MEGF6: variants seen among roughly 807,000 people sequenced by gnomAD.
The protein encoded by MEGF6 is multiple epidermal growth factor-like domains protein 6.
In MEGF6, 184 loss-of-function variants were observed where a neutral mutation model predicts 207.1. That is an observed-to-expected ratio of 0.89 (90% CI 0.79 to 1.00). The LOEUF (loss-of-function observed/expected upper bound fraction) is 1.00. MEGF6 is among the 50% of genes least tolerant of loss of function. The pLI, the probability that MEGF6 is intolerant of heterozygous loss-of-function variation, is 0.00. For synonymous variants in MEGF6, 1,038 were observed against 910.0 expected, an observed-to-expected ratio of 1.14 and a Z score of -2.53; for missense variants, 2,282 against 2,202.9, an observed-to-expected ratio of 1.04 and a Z score of -0.72.
At chr1:3,505,579 G>T in intron 15 of MEGF6, 23 bp from the exon 16 acceptor site, 1 of 1,539,198 alleles carries the variant, frequency 6.5e-7, no homozygotes, top group Admixed American at 2.0e-5. Flanking sequence ...AACCGTTGAG[G>T]GGGGCTCCCG....
At chr1:3,518,800 C>T (rs538967948) in intron 5 of MEGF6, among the ~76,000 whole-genome samples, 1 of 152,236 alleles carries the variant, frequency 6.6e-6, no homozygotes, top group East Asian at 1.9e-4. Flanking sequence ...GCCCTGCCTT[C>T]TAGGAAGCCC....
chr1:3,500,885 C>A (rs957135624), intron 20 of MEGF6, 81 bp downstream of exon 20: 1 of 1,601,906 alleles, frequency 6.2e-7, no homozygotes, highest in Non-Finnish European at 8.5e-7. Context: ...CCCTAGTCCT[C>A]GGGGGCCCTG....
At chr1:3,519,482 G>A (rs1042960590) in intron 5 of MEGF6, among the ~76,000 whole-genome samples, 6 of 152,252 alleles carry the variant, frequency 3.9e-5, no homozygotes, top group Admixed American at 2.6e-4. Context: ...GCGCCTACTC[G>A]CTGCTGAGCG....
At chr1:3,566,626 C>T (rs545201087) in intron 4 of MEGF6, among the ~76,000 whole-genome samples, 12 of 152,302 alleles carry the variant, frequency 7.9e-5, no homozygotes, top group Non-Finnish European at 1.6e-4. Context: ...AGAGGGACCC[C>T]GGGGCCCTTC....
In MEGF6 at chr1:3,495,881, A is replaced by C. The variant is rs1317119836; in HGVS notation, c.3871+9T>G. The C allele has an allele frequency of 1.9e-6, 3 of 1,598,038 alleles. No individual in the cohort carries two copies. Among genetic ancestry groups the C allele is most frequent in the Non-Finnish European group, 2.5e-6 (3 of 1,179,184 alleles). On this transcript the variant is annotated intron_variant, in intron 30 of 36. Transcript: ENST00000356575. ...GCCTGTGAGCATGCCCTCTGGAGTG[A>C]ACACTCACCTCGCTCACAGCGGACG... is the stretch of plus-strand genomic sequence containing the variant.
chr1:3,550,331 C>T (rs72853563), intron 4 of MEGF6, among the ~76,000 whole-genome samples: 4,580 of 152,266 alleles, frequency 0.03, 98 homozygotes, highest in South Asian at 0.056. Context: ...CGAGGAGGAA[C>T]CTCAAACCTC....
Position 3,494,065 on chromosome 1 carries a change from C to A in MEGF6, c.4189G>T (p.Ala1397Ser). Residue 1397 changes from alanine to serine, a missense_variant, in exon 33 of 37, where the codon GCC (alanine) becomes TCC (serine). By Grantham distance (99) the Ala-to-Ser change is moderately conservative. Transcript: ENST00000356575. The stretch of plus-strand genomic sequence containing the variant: ...CGGCCACTGATGGGGTCGCAGGGGG[C>A]TCCATGTTGACACCAGCACAACCCC... ...CQGLCWCQHG[A>S]PCDPISGRCL... 6.2e-7 allele frequency: 1 copy of A among 1,605,124 alleles called. No individual in the cohort carries two copies. Among genetic ancestry groups the A allele is most frequent in the Non-Finnish European group, 8.5e-7 (1 of 1,175,850 alleles).
chr1:3,539,213 C>T (rs1642425957), intron 4 of MEGF6, among the ~76,000 whole-genome samples: 1 of 152,076 alleles, frequency 6.6e-6, no homozygotes, highest in Non-Finnish European at 1.5e-5. Context: ...TGCAGTGTCA[C>T]TACAGACCCA....
chr1:3,534,795 C>T (rs1052850694), intron 4 of MEGF6, among the ~76,000 whole-genome samples: 3 of 152,254 alleles, frequency 2.0e-5, no homozygotes, highest in East Asian at 3.9e-4. Context: ...GGGACCGGAG[C>T]CCTGGCCCTC....
Position 3,611,145 on chromosome 1 carries a change from G to C in MEGF6, c.124C>G (p.Pro42Ala), listed in dbSNP as rs762248632. 4.5e-5 allele frequency: 68 copies of C among 1,519,184 alleles called. 1 individual carries two copies. The highest frequency in any genetic ancestry group is 3.4e-4 in the Admixed American group (17 of 49,360). The allele number at this position is 1,519,184 out of a possible 1,614,324, so 94.1% of individuals were successfully genotyped here. A position where few individuals can be genotyped will look rare whatever the true frequency, so the allele number is the denominator to read the frequency against. ...VPPRPLLPLQ[P>A]GMPHVCAEQE... ...CCAGCTCCTGCTACTCACATGCCGG[G>C]CTGCAGCGGGAGCAGGGGCCGCGGC... Residue 42 changes from proline to alanine, a missense_variant, in exon 1 of 37, where the codon CCC becomes GCC. Pro to Ala is a conservative substitution (Grantham distance 27, BLOSUM62 -1). Transcript: ENST00000356575.
chr1:3,517,857 G>A (rs1351434679), intron 5 of MEGF6, among the ~76,000 whole-genome samples: 4 of 152,228 alleles, frequency 2.6e-5, no homozygotes, highest in Admixed American at 1.3e-4. Flanking sequence ...ATGCGGGCTC[G>A]ACAGCAAGCC....
intron 35 of MEGF6, 146 bp from the exon 36 acceptor site, chr1:3,491,105 G>C (rs887254659): frequency 4.5e-6 from 3 of 673,892 alleles, no homozygotes; most frequent in African/African-American, 4.0e-5. Flanking sequence ...CTTTGCACTC[G>C]GGGAAGGAAC....
chr1:3,497,511 C>T (rs1640662283), intron 26 of MEGF6, 150 bp from the exon 27 acceptor site: 5 of 1,087,108 alleles, frequency 4.6e-6, no homozygotes, highest in Non-Finnish European at 6.5e-6. Context: ...CCTGGAGCCC[C>T]CCGCCACCCC....
chr1:3,579,716 G>T (rs985353079), intron 4 of MEGF6, 109 bp downstream of exon 4: 12 of 667,556 alleles, frequency 1.8e-5, no homozygotes, highest in South Asian at 1.1e-4. Flanking sequence ...TTCACTCGGG[G>T]TGTCCCCTAC....
In MEGF6 at chr1:3,492,781, G is replaced by A; in HGVS notation, c.4388-14C>T. On this transcript the variant is annotated splice_polypyrimidine_tract_variant and intron_variant, in intron 34 of 36. Transcript: ENST00000356575. ...CCCTTCTGCAATCTGCAAGGCGGAG[G>A]GGGCGGGAGACAAACCTGAGCATCA... The A allele has an allele frequency of 6.2e-7, 1 of 1,603,598 alleles. No individual in the cohort carries two copies. The highest frequency in any genetic ancestry group is 8.5e-7 in the Non-Finnish European group (1 of 1,173,048).
intron 26 of MEGF6, among the ~76,000 whole-genome samples, chr1:3,497,959 G>A (rs567058212): frequency 9.7e-4 from 147 of 152,244 alleles, no homozygotes; most frequent in Admixed American, 2.5e-3. Context: ...CTGAGGCCCC[G>A]CTGGGTGGAC....
At chr1:3,609,886 G>GACATCC (rs1644302228) in intron 1 of MEGF6, among the ~76,000 whole-genome samples, 1 of 152,216 alleles carries the variant, frequency 6.6e-6, no homozygotes, top group East Asian at 1.9e-4. Context: ...GAGACAGCGG[G>GACATCC]ACATCCACCT....
At chr1:3,531,823 G>A (rs28439857) in intron 4 of MEGF6, among the ~76,000 whole-genome samples, 65,218 of 151,290 alleles carry the variant, frequency 0.43, 14,360 homozygotes, top group South Asian at 0.55. Context: ...GGGCGGGGGA[G>A]GGGGGCCGCG....
rs115481795 is a variant in MEGF6 at position 3,578,317 on chromosome 1, C to T, written c.481+1508G>A. 6.1e-3 allele frequency among the ~76,000 whole-genome samples: 926 copies of T among 152,324 alleles called. 13 individuals carry two copies. Among genetic ancestry groups the T allele is most frequent in the African/African-American group, 0.021 (856 of 41,570 alleles). ...TTGCCAAAAGATTAGACAAATGAGA[C>T]GGAAAGGCCCTCGGGACATTTCTCA... On this transcript the variant is annotated intron_variant, in intron 4 of 36. Coordinates refer to ENST00000356575, the MANE Select transcript of MEGF6 (RefSeq NM_001409.4).
Sources: allele counts gnomAD v4.1 joint callset (sites outside exome capture counted in the v4.1 genomes callset), GRCh38; gene constraint gnomAD v4.1.1; transcripts MANE v1.5; gene names NCBI Gene and HGNC (gene_info 2026-07-23, HGNC 2026-07-21).